GCLC: variants seen among roughly 807,000 people sequenced by gnomAD.
GCLC encodes glutamate-cysteine ligase catalytic subunit.
A neutral mutation model predicts 81.5 loss-of-function variants in GCLC; 30 were observed. The ratio of observed to expected loss-of-function variants is 0.37; its 90% confidence interval spans 0.28 to 0.50. The LOEUF is 0.50. Among genes scored for constraint, GCLC ranks in the 20% least tolerant of loss-of-function variants. GCLC has a pLI of 0.96. For missense variants in GCLC, 556 were observed against 777.4 expected, an observed-to-expected ratio of 0.72 and a Z score of 3.39; for synonymous variants, 262 against 273.3, an observed-to-expected ratio of 0.96 and a Z score of 0.41.
At chr6:53,544,391 T>G in intron 1 of GCLC, 105 bp downstream of exon 1, 1 of 1,225,340 alleles carries the variant, frequency 8.2e-7, no homozygotes, top group Non-Finnish European at 1.2e-6. Flanking sequence ...CCGGGCGCAG[T>G]GGAGAACGCG....
chr6:53,510,596 T>C (rs912003628), intron 6 of GCLC: 20 of 152,234 alleles, frequency 1.3e-4, no homozygotes, highest in African/African-American at 4.3e-4. Flanking sequence ...TTGAATTTCA[T>C]GTTGTTATTC....
chr6:53,516,008 C>CA lies in GCLC; in HGVS notation c.560+100dup, dbSNP rs1283554905. ...GTTACTTAGGAAGAGAGCCAAAACT[C>CA]AGTTAATGCTCAAAAAGGATTTCTA... On this transcript the variant is annotated intron_variant, in intron 4 of 15. Transcript: ENST00000650454. The CA allele has an allele frequency of 9.3e-6, 7 of 754,232 alleles. No individual in the cohort carries two copies. In the African/African-American group the frequency reaches 1.2e-4, roughly 13 times the overall value. The allele number at this position is 754,232 out of a possible 1,614,324, so 46.7% of individuals were successfully genotyped here. A position where few individuals can be genotyped will look rare whatever the true frequency, so the allele number is the denominator to read the frequency against.
At chr6:53,509,807 A>G (rs1288260980) in intron 6 of GCLC, 1 of 162,208 alleles carries the variant, frequency 6.2e-6, no homozygotes, top group East Asian at 1.8e-4. Flanking sequence ...CACCACCACG[A>G]CTGGCTAATT....
chr6:53,509,064 T>C (rs1182140292), intron 7 of GCLC, 112 bp downstream of exon 7: 3 of 725,378 alleles, frequency 4.1e-6, no homozygotes, highest in African/African-American at 3.5e-5. Flanking sequence ...TATTAGTCCA[T>C]CTCTGACTGA....
At chr6:53,500,578 C>A (rs1764491791) in intron 12 of GCLC, 65 bp from the exon 13 acceptor site, 3 of 1,074,500 alleles carry the variant, frequency 2.8e-6, no homozygotes, top group East Asian at 4.7e-5. Flanking sequence ...AGTTGCAGCA[C>A]CTTCCTCACC....
At chr6:53,508,812 G>T in intron 7 of GCLC, 101 bp from the exon 8 acceptor site, 1 of 789,932 alleles carries the variant, frequency 1.3e-6, no homozygotes, top group Non-Finnish European at 2.2e-6. Context: ...GCATGTTTAT[G>T]CAACCCATAC....
intron 1 of GCLC, among the ~76,000 whole-genome samples, chr6:53,540,437 A>C (rs1418518333): frequency 6.6e-6 from 1 of 152,120 alleles, no homozygotes; most frequent in Non-Finnish European, 1.5e-5. Context: ...GCTTAATTCT[A>C]CTTATATCAA....
At chr6:53,504,304 G>T (rs1581728889) in intron 12 of GCLC, among the ~76,000 whole-genome samples, 1 of 152,040 alleles carries the variant, frequency 6.6e-6, no homozygotes, top group South Asian at 2.1e-4. Context: ...TCCTGCCTCA[G>T]CCTCCTGAGG....
chr6:53,506,986 A>C lies in GCLC; in HGVS notation c.1124T>G (p.Phe375Cys). The C allele has an allele frequency of 6.2e-7, 1 of 1,611,314 alleles. No individual in the cohort carries two copies. The highest frequency in any genetic ancestry group is 8.5e-7 in the Non-Finnish European group (1 of 1,177,456). ...HLLAQHVAHLFIRDPLTLFEE... is the reference protein window; with the variant it reads ...HLLAQHVAHLCIRDPLTLFEE... ...AAACAGTGTCAGTGGGTCTCTAATA[A>C]AGAGATGAGCAACATGCTGGGCCAG... The change falls in exon 10 of 16, where the codon TTT (phenylalanine) becomes TGT (cysteine). Residue 375 changes from phenylalanine (F) to cysteine (C), a missense_variant. This residue lies in a region of GCLC where 313 missense variants were observed against 437.3 expected (regional missense o/e 0.72). Transcript: ENST00000650454. The surrounding 1 kb of genome is among the most constrained non-coding windows in gnomAD (Gnocchi z 4.0).
intron 1 of GCLC, among the ~76,000 whole-genome samples, chr6:53,544,084 G>C (rs888654615): frequency 5.9e-5 from 9 of 152,312 alleles, no homozygotes; most frequent in African/African-American, 2.2e-4. Flanking sequence ...AAAGCAGCAG[G>C]CCTACTAGGA....
rs768998193 is a variant in GCLC, at chr6:53,509,182, T to C, written c.822A>G (p.Pro274=). 1 of 1,564,010 alleles carries C rather than the reference T, an allele frequency of 6.4e-7. No homozygotes were observed. The highest frequency in any genetic ancestry group is 1.3e-5 in the African/African-American group (1 of 74,088). Residue 274 remains proline, a synonymous_variant, in exon 7 of 16, where the codon CCA becomes CCG. Coordinates refer to ENST00000650454, the MANE Select transcript of GCLC (RefSeq NM_001498.4). The part of the protein sequence containing the change: ...YLYDQLATIC[P]IVMALSAASP... ...AGAGGTAATTTCTACTTACAACAAT[T>C]GGACAGATAGTAGCCAACTGATCAT... is the stretch of plus-strand genomic sequence containing the variant.
At chr6:53,507,160 G>A in intron 9 of GCLC, 135 bp from the exon 10 acceptor site, 2 of 720,012 alleles carry the variant, frequency 2.8e-6, no homozygotes, top group Non-Finnish European at 5.2e-6. Context: ...GGTTTGATTA[G>A]TATCCTCACC....
At chr6:53,536,295 A>G (rs766974200) in intron 1 of GCLC, among the ~76,000 whole-genome samples, 1 of 152,236 alleles carries the variant, frequency 6.6e-6, no homozygotes, top group Middle Eastern at 3.2e-3. Context: ...AATCAGCTGC[A>G]TGGGATGGCC....
At chr6:53,503,943 C>T (rs572166493) in intron 12 of GCLC, among the ~76,000 whole-genome samples, 1 of 152,146 alleles carries the variant, frequency 6.6e-6, no homozygotes, top group Non-Finnish European at 1.5e-5. Context: ...AGAATACTCA[C>T]CATTAAATAA....
chr6:53,508,201 C>T (rs1764654222), intron 8 of GCLC, among the ~76,000 whole-genome samples: 1 of 152,142 alleles, frequency 6.6e-6, no homozygotes, highest in Non-Finnish European at 1.5e-5. Context: ...GCAAGGGTTA[C>T]TTTACAGTTC....
intron 2 of GCLC, among the ~76,000 whole-genome samples, chr6:53,521,400 C>T (rs1301199476): frequency 6.6e-6 from 1 of 152,084 alleles, no homozygotes; most frequent in Non-Finnish European, 1.5e-5. Context: ...AGTGATCTGC[C>T]TGCCTCGGCC....
chr6:53,531,681 G>A (rs1394978365), intron 1 of GCLC, among the ~76,000 whole-genome samples: 1 of 151,908 alleles, frequency 6.6e-6, no homozygotes, highest in Non-Finnish European at 1.5e-5. Flanking sequence ...TCAAGAGCTG[G>A]CTCTTGTGTG....
At chr6:53,511,523 C>G (rs900696906) in intron 6 of GCLC, among the ~76,000 whole-genome samples, 1 of 151,974 alleles carries the variant, frequency 6.6e-6, no homozygotes, top group African/African-American at 2.4e-5. Context: ...ATACATAATT[C>G]GTAGGTGAAT....
At chr6:53,512,051 C>T (rs751270217) in intron 6 of GCLC, among the ~76,000 whole-genome samples, 1 of 151,144 alleles carries the variant, frequency 6.6e-6, no homozygotes, top group Non-Finnish European at 1.5e-5. Context: ...CAGGTTCAAG[C>T]GTTTCTCATG....
Sources: allele counts gnomAD v4.1 joint callset (sites outside exome capture counted in the v4.1 genomes callset), GRCh38; gene constraint gnomAD v4.1.1; regional missense constraint gnomAD v4.1.1; non-coding constraint Gnocchi (gnomAD v3.1); transcripts MANE v1.5; gene names NCBI Gene and HGNC (gene_info 2026-07-23, HGNC 2026-07-21).